Variants in C1orf21 observed in about 807,000 individuals in gnomAD.
The protein encoded by C1orf21 is chromosome 1 open reading frame 21.
Under a neutral mutation model 18.7 loss-of-function variants are expected in C1orf21, and 3 were observed. The observed-to-expected ratio is 0.16, with a 90% CI of 0.07 to 0.42. C1orf21 has a LOEUF of 0.42. Among genes scored for constraint, C1orf21 ranks in the 10% least tolerant of loss-of-function variants. The pLI is 0.99. For missense variants in C1orf21, 104 were observed against 143.6 expected (o/e 0.72, Z 1.41); for synonymous variants, 41 against 46.4 (o/e 0.88, Z 0.47).
intron 3 of C1orf21, among the ~76,000 whole-genome samples, chr1:184,563,423 A>G (rs1658992846): frequency 6.6e-6 from 1 of 152,240 alleles, no homozygotes; most frequent in African/African-American, 2.4e-5. Context: ...ATTAAAAATT[A>G]CAAGCTCATC....
At chr1:184,481,869 A>G (rs781049666) in intron 2 of C1orf21, among the ~76,000 whole-genome samples, 2 of 152,224 alleles carry the variant, frequency 1.3e-5, no homozygotes, top group Non-Finnish European at 2.9e-5. Context: ...ATGTCAAGAC[A>G]GTTCCAGTAC....
At chr1:184,454,528 G>A (rs148924936) in intron 1 of C1orf21, among the ~76,000 whole-genome samples, 4 of 152,312 alleles carry the variant, frequency 2.6e-5, no homozygotes, top group South Asian at 2.1e-4. Context: ...GGTCCCTGAT[G>A]TTGGAGGTGG....
intron 1 of C1orf21, among the ~76,000 whole-genome samples, chr1:184,425,727 A>G (rs1446154842): frequency 6.6e-6 from 1 of 152,194 alleles, no homozygotes; most frequent in Non-Finnish European, 1.5e-5. Flanking sequence ...TTGAAAGGGC[A>G]AGGTCAGAGG....
intron 3 of C1orf21, among the ~76,000 whole-genome samples, chr1:184,537,372 A>C (rs1658573100): frequency 1.3e-5 from 2 of 152,136 alleles, no homozygotes; most frequent in African/African-American, 4.8e-5. Context: ...GCCTCATATA[A>C]GTGGAATCAT....
At chr1:184,553,717 C>T (rs1236025679) in intron 3 of C1orf21, among the ~76,000 whole-genome samples, 1 of 152,142 alleles carries the variant, frequency 6.6e-6, no homozygotes, top group Non-Finnish European at 1.5e-5. Flanking sequence ...GGACTCATCA[C>T]AAAGCATAAC....
intron 3 of C1orf21, among the ~76,000 whole-genome samples, chr1:184,527,798 C>A (rs1030324703): frequency 2.5e-4 from 38 of 152,286 alleles, no homozygotes; most frequent in Admixed American, 8.5e-4. Flanking sequence ...TTTATAGTAA[C>A]TACCTAACAG....
intron 2 of C1orf21, among the ~76,000 whole-genome samples, chr1:184,484,076 ACCGCG>A (rs1657697727): frequency 1.3e-5 from 2 of 150,804 alleles, no homozygotes; most frequent in African/African-American, 2.4e-5. Context: ...GGCACCCACC[ACCGCG>A]CCCGGCTAAT....
chr1:184,550,211 A>G (rs965834942), intron 3 of C1orf21, among the ~76,000 whole-genome samples: 1 of 152,232 alleles, frequency 6.6e-6, no homozygotes, highest in Non-Finnish European at 1.5e-5. Context: ...TTTAAGAATA[A>G]AAAAGATTTA....
chr1:184,423,929 G>T (rs571059835), intron 1 of C1orf21, among the ~76,000 whole-genome samples: 4 of 152,042 alleles, frequency 2.6e-5, no homozygotes, highest in African/African-American at 9.7e-5. Flanking sequence ...TTTCCTTAAT[G>T]CCTGTTACTG....
chr1:184,446,034 C>T (rs1463907541), intron 1 of C1orf21, among the ~76,000 whole-genome samples: 1 of 152,112 alleles, frequency 6.6e-6, no homozygotes, highest in Non-Finnish European at 1.5e-5. Flanking sequence ...ACTCTTTAAA[C>T]ACAGAAAATT....
intron 3 of C1orf21, among the ~76,000 whole-genome samples, chr1:184,557,748 AG>A (rs1347969560): frequency 6.6e-6 from 1 of 152,220 alleles, no homozygotes; most frequent in African/African-American, 2.4e-5. Context: ...GTTTCCATTT[AG>A]GAAGTACTTA....
At chr1:184,554,333 A>G (rs377132179) in intron 3 of C1orf21, among the ~76,000 whole-genome samples, 21 of 152,322 alleles carry the variant, frequency 1.4e-4, no homozygotes, top group African/African-American at 5.1e-4. Flanking sequence ...GGTCTCAGGC[A>G]TTCCCCTGTG....
intron 1 of C1orf21, among the ~76,000 whole-genome samples, chr1:184,390,034 C>G (rs1030075242): frequency 6.6e-6 from 1 of 152,090 alleles, no homozygotes; most frequent in African/African-American, 2.4e-5. Flanking sequence ...TGAGGGTGGC[C>G]CTAACTAAAG....
intron 2 of C1orf21, among the ~76,000 whole-genome samples, chr1:184,487,064 T>G (rs1018515762): frequency 6.6e-6 from 1 of 152,250 alleles, no homozygotes; most frequent in African/African-American, 2.4e-5. Flanking sequence ...TCTCAAAACG[T>G]GCCTCAGTGA....
chr1:184,597,537 A>G (rs1659532803), intron 4 of C1orf21, among the ~76,000 whole-genome samples: 1 of 152,154 alleles, frequency 6.6e-6, no homozygotes. Flanking sequence ...GACAACCAGT[A>G]GGCACTGATA....
At position 184,387,789 on chromosome 1, in the gene C1orf21, G is replaced by C. The variant is rs1655910584; in HGVS notation, c.-125+421G>C. Among the ~76,000 whole-genome samples the C allele has an allele frequency of 1.3e-5, 2 of 152,172 alleles. No individual in the cohort carries two copies. The highest frequency in any genetic ancestry group is 6.5e-5 in the Admixed American group (1 of 15,288). On this transcript the variant is annotated intron_variant, in intron 1 of 5. Coordinates refer to ENST00000235307, the MANE Select transcript of C1orf21 (RefSeq NM_030806.4). This position sits in a 1 kb window ranked among gnomAD's most constrained non-coding sequence, Gnocchi z 5.6. The stretch of plus-strand genomic sequence containing the variant: ...TGTAGCCACCGTACTTTGCAAGCCA[G>C]AGCTTGAAAGGAAAAACACAATTTA...
chr1:184,562,511 G>A (rs1300366273), intron 3 of C1orf21, among the ~76,000 whole-genome samples: 5 of 152,318 alleles, frequency 3.3e-5, no homozygotes, highest in African/African-American at 1.2e-4. Flanking sequence ...TATCTGAGCA[G>A]CGTGTAAAGA....
intron 3 of C1orf21, among the ~76,000 whole-genome samples, chr1:184,540,577 A>G (rs1478606734): frequency 6.6e-6 from 1 of 152,032 alleles, no homozygotes; most frequent in Non-Finnish European, 1.5e-5. Context: ...CTACAGGTGC[A>G]TGACACCATG....
At chr1:184,568,470 G>C in intron 3 of C1orf21, 2 of 470,430 alleles carry the variant, frequency 4.3e-6, no homozygotes, top group South Asian at 3.1e-5. Context: ...TTTTAGAGAA[G>C]TTCTTATGTG....
Sources: gnomAD v4.1 joint callset for allele counts (sites outside exome capture counted in the v4.1 genomes callset) on GRCh38, gnomAD v4.1.1 for gene constraint, Gnocchi (gnomAD v3.1) non-coding constraint, MANE v1.5 for transcripts, NCBI Gene and HGNC (gene_info 2026-07-23, HGNC 2026-07-21) for gene names.